RASA1: variants seen among roughly 807,000 people sequenced by gnomAD.
The protein encoded by RASA1 is ras GTPase-activating protein 1.
A neutral mutation model predicts 132.2 loss-of-function variants in RASA1; 25 were observed. The ratio of observed to expected loss-of-function variants is 0.19; its 90% confidence interval spans 0.14 to 0.26. The LOEUF is 0.26. Among genes scored for constraint, RASA1 ranks in the 10% least tolerant of loss-of-function variants. The pLI is 1.00. For synonymous variants in RASA1, 477 were observed against 449.9 expected, an observed-to-expected ratio of 1.06 and a Z score of -0.76; for missense variants, 964 against 1,299.2, an observed-to-expected ratio of 0.74 and a Z score of 3.97.
intron 6 of RASA1, among the ~76,000 whole-genome samples, chr5:87,344,819 A>G (rs1035000005): frequency 6.7e-4 from 99 of 147,994 alleles, no homozygotes; most frequent in African/African-American, 2.3e-3. Context: ...GCTCCTAGCT[A>G]TTTTTCTTTA....
At chr5:87,333,039 A>G (rs1449684640) in intron 3 of RASA1, among the ~76,000 whole-genome samples, 1 of 152,150 alleles carries the variant, frequency 6.6e-6, no homozygotes, top group African/African-American at 2.4e-5. Flanking sequence ...CATTCATATT[A>G]CGTTATAAAA....
At chr5:87,333,160 A>G in intron 3 of RASA1, 107 bp from the exon 4 acceptor site, 5 of 1,487,522 alleles carry the variant, frequency 3.4e-6, no homozygotes, top group Non-Finnish European at 4.5e-6. Context: ...GAATGATCCC[A>G]TGGAGTTTCT....
chr5:87,333,454 A>G (rs1757740998), intron 4 of RASA1, 117 bp downstream of exon 4: 3 of 1,469,598 alleles, frequency 2.0e-6, no homozygotes, highest in Non-Finnish European at 2.7e-6. Context: ...GCAAGGTGAA[A>G]GAGCTTTTGA....
intron 1 of RASA1, among the ~76,000 whole-genome samples, chr5:87,301,982 A>G (rs1394937194): frequency 6.6e-6 from 1 of 152,284 alleles, no homozygotes; most frequent in Non-Finnish European, 1.5e-5. Flanking sequence ...TAGTTTGACT[A>G]TTACAGATAG....
In RASA1 at chr5:87,267,937, C is replaced by T. The variant is rs147012315; in HGVS notation, c.-515C>T. ...TTCAGTCGATTTCCTCGTTACCCCG[C>T]CCCCCTTTCTCTTGCCCCCCCACCC... On this transcript the variant is annotated 5_prime_UTR_variant, in exon 1 of 25. Coordinates refer to ENST00000274376, the MANE Select transcript of RASA1 (RefSeq NM_002890.3). 5,153 of 367,460 alleles carry T rather than the reference C, an allele frequency of 0.014. 62 individuals carry two copies. The highest frequency in any genetic ancestry group is 0.018 in the Non-Finnish European group (3,703 of 210,050). 22.8% of individuals were successfully genotyped at this position (367,460 alleles called of 1,614,324 possible). A position where few individuals can be genotyped will look rare whatever the true frequency, so the allele number is the denominator to read the frequency against.
intron 1 of RASA1, among the ~76,000 whole-genome samples, chr5:87,300,859 A>G (rs1437387186): frequency 6.6e-6 from 1 of 152,232 alleles, no homozygotes; most frequent in Non-Finnish European, 1.5e-5. Flanking sequence ...ATAAAACTAC[A>G]TATGCCAAAG....
intron 1 of RASA1, among the ~76,000 whole-genome samples, chr5:87,287,229 A>G (rs1301376217): frequency 3.4e-5 from 5 of 147,590 alleles, no homozygotes; most frequent in African/African-American, 9.9e-5. Context: ...CCGTATATAT[A>G]CACACCATAT....
chr5:87,349,124 G>A (rs1299992739), intron 7 of RASA1, 90 bp from the exon 8 acceptor site: 1 of 1,415,364 alleles, frequency 7.1e-7, no homozygotes, highest in African/African-American at 1.4e-5. Flanking sequence ...ATATGTTTAT[G>A]ACTTTGAATG....
Position 87,331,397 on chromosome 5 carries a change from C to G in RASA1, c.589C>G (p.Gln197Glu). 1 of 1,612,966 alleles carries G rather than the reference C, an allele frequency of 6.2e-7. No individual in the cohort carries two copies. The highest frequency in any genetic ancestry group is 8.5e-7 in the Non-Finnish European group (1 of 1,179,012). ...DRTIAEERLR[Q>E]AGKSGSYLIR... Reference sequence around the variant, plus strand: ...AACGATAGCAGAAGAACGCCTCAGGCAGGCAGGGAAGTCTGGCAGTTATCT... The same window carrying G: ...AACGATAGCAGAAGAACGCCTCAGGGAGGCAGGGAAGTCTGGCAGTTATCT... Residue 197 changes from glutamine to glutamate, a missense_variant, in exon 2 of 25, where the codon CAG becomes GAG. Around this residue, in one of 6 missense-constraint regions of RASA1, gnomAD observed 326 missense variants for 275.8 expected, o/e 1.18. Coordinates refer to ENST00000274376, the MANE Select transcript of RASA1 (RefSeq NM_002890.3).
chr5:87,312,138 C>T (rs553592904), intron 1 of RASA1, among the ~76,000 whole-genome samples: 98 of 152,220 alleles, frequency 6.4e-4, no homozygotes, highest in African/African-American at 2.3e-3. Context: ...AAATGATAGA[C>T]CAGTGGATTT....
intron 1 of RASA1, among the ~76,000 whole-genome samples, chr5:87,303,560 T>G (rs1755472707): frequency 6.6e-6 from 1 of 152,120 alleles, no homozygotes; most frequent in Non-Finnish European, 1.5e-5. Context: ...TGAAGACATA[T>G]TTCCACATAA....
intron 6 of RASA1, 38 bp from the exon 7 acceptor site, chr5:87,346,634 G>C: frequency 7.4e-7 from 1 of 1,344,562 alleles, no homozygotes. Flanking sequence ...ACAGCAAAAA[G>C]GACTTTATTT....
rs116580482 is a variant in RASA1 at position 87,371,084 on chromosome 5, A to G, written c.1699-1034A>G. On this transcript the variant is annotated intron_variant, in intron 12 of 24. Transcript: ENST00000274376. ...TTAGAAATTTAAACTTCAGTATCCT[A>G]TTTTCTAAGTATTTTACCATGGTCC... Among the ~76,000 whole-genome samples the G allele has an allele frequency of 9.2e-3, 1,400 of 152,106 alleles. 28 individuals are homozygous for G. Among genetic ancestry groups the G allele is most frequent in the African/African-American group, 0.031 (1,301 of 41,490 alleles).
intron 15 of RASA1, 104 bp from the exon 16 acceptor site, chr5:87,376,289 A>G: frequency 7.5e-7 from 1 of 1,336,468 alleles, no homozygotes; most frequent in South Asian, 1.3e-5. Flanking sequence ...TTTAATGAAA[A>G]GCATTTAACA....
intron 1 of RASA1, among the ~76,000 whole-genome samples, chr5:87,303,365 GTCTTT>G (rs1755464567): frequency 6.9e-6 from 1 of 145,408 alleles, no homozygotes; most frequent in East Asian, 2.0e-4. Flanking sequence ...TTTTTTTTCT[GTCTTT>G]TCAGGTTTAA....
At chr5:87,342,432 T>TA in intron 6 of RASA1, among the ~76,000 whole-genome samples, 1 of 152,336 alleles carries the variant, frequency 6.6e-6, no homozygotes, top group Admixed American at 6.5e-5. Flanking sequence ...GTGCTGGAAT[T>TA]ACAGGCATGA....
chr5:87,340,542 C>A (rs1758357618), intron 5 of RASA1, among the ~76,000 whole-genome samples: 1 of 151,916 alleles, frequency 6.6e-6, no homozygotes, highest in Non-Finnish European at 1.5e-5. Flanking sequence ...TGTAGTTAGA[C>A]CATTTTTCTC....
intron 12 of RASA1, among the ~76,000 whole-genome samples, chr5:87,371,625 T>C (rs1255138923): frequency 6.6e-6 from 1 of 152,090 alleles, no homozygotes; most frequent in Non-Finnish European, 1.5e-5. Context: ...CATTTCTACC[T>C]GTATCATGGT....
rs971030159 is a variant in RASA1 at position 87,389,428 on chromosome 5, T to C, written c.2961T>C (p.Ser987=). ...AACTTCCGGACACTACAGAGCATTC[T>C]AGAACGGACCTGTCCCGTGATTTAG... ...VPELPDTTEH[S]RTDLSRDLAA... Residue 987 remains serine, a synonymous_variant, in exon 24 of 25, where the codon TCT becomes TCC. Transcript: ENST00000274376. 10 of 1,614,038 alleles carry C rather than the reference T, an allele frequency of 6.2e-6. No homozygotes were observed. Among genetic ancestry groups the C allele is most frequent in the Non-Finnish European group, 8.5e-6 (10 of 1,179,986 alleles).
Sources: gnomAD v4.1 joint callset for allele counts (sites outside exome capture counted in the v4.1 genomes callset) on GRCh38, gnomAD v4.1.1 for gene constraint, gnomAD v4.1.1 regional missense constraint, MANE v1.5 for transcripts, NCBI Gene and HGNC (gene_info 2026-07-23, HGNC 2026-07-21) for gene names.